Variants in MYO7B observed in about 807,000 individuals in gnomAD.
The protein encoded by MYO7B is myosin VIIB, also known as unconventional myosin-VIIb.
MYO7B carries 212 observed loss-of-function variants against 259.7 expected under a neutral mutation model. The ratio of observed to expected loss-of-function variants is 0.82; its 90% CI spans 0.73 to 0.91. The LOEUF (loss-of-function observed/expected upper bound fraction) is 0.91. Ranked by LOEUF, MYO7B falls within the 40% of genes least tolerant of loss-of-function variation. The pLI, the probability that MYO7B is intolerant of heterozygous loss-of-function variation, is 0.00. For synonymous variants in MYO7B, 1,197 were observed against 1,166.4 expected, an observed-to-expected ratio of 1.03 and a Z score of -0.54; for missense variants, 2,732 against 2,813.5, an observed-to-expected ratio of 0.97 and a Z score of 0.66.
In MYO7B at chr2:127,574,061, A is replaced by C; in HGVS notation, c.734A>C (p.Gln245Pro). 1 of 1,613,950 alleles carries C rather than the reference A, an allele frequency of 6.2e-7. No individual in the cohort carries two copies. Among genetic ancestry groups the C allele is most frequent in the Non-Finnish European group, 8.5e-7 (1 of 1,179,880 alleles). Residue 245 changes from glutamine (Q) to proline (P), a missense_variant and splice_region_variant, in exon 7 of 48, where the codon CAG (glutamine) becomes CCG (proline). By Grantham distance (76) the Gln-to-Pro change is moderately conservative. Coordinates refer to ENST00000409816, the MANE Select transcript of MYO7B (RefSeq NM_001393586.1). ...FLLEKSRVCR[Q>P]APEERNYHIF... ...CTGGAGAAGTCCCGGGTCTGCCGGCAGGTGAGGCCTCCCCCTTCCCAGGTC... is the reference window on the plus strand; with the variant it reads ...CTGGAGAAGTCCCGGGTCTGCCGGCCGGTGAGGCCTCCCCCTTCCCAGGTC...
chr2:127,636,603 T>TTC lies in MYO7B; in HGVS notation c.6184_6185dup (p.Leu2063CysfsTer56). ...CTCATCGCCATCAACCGACATGGGG[T>TTC]TCTGCTCATCCACCCCAAGACCAAG... On this transcript the variant is annotated frameshift_variant, in exon 46 of 48. Coordinates refer to ENST00000409816, the MANE Select transcript of MYO7B (RefSeq NM_001393586.1). LOFTEE classifies it high-confidence loss of function. This position sits in a 1 kb window ranked among gnomAD's most constrained non-coding sequence, Gnocchi z 4.5. 6.2e-7 allele frequency: 1 copy of TTC among 1,612,696 alleles called. No homozygotes were observed. The highest frequency in any genetic ancestry group is 8.5e-7 in the Non-Finnish European group (1 of 1,179,374).
intron 19 of MYO7B, among the ~76,000 whole-genome samples, chr2:127,598,499 A>G (rs1243451828): frequency 6.6e-6 from 1 of 152,160 alleles, no homozygotes; most frequent in East Asian, 1.9e-4. Context: ...TCTGTCAGCT[A>G]TGTGGTTTGT....
At chr2:127,592,418 A>T (rs1224395076) in intron 16 of MYO7B, among the ~76,000 whole-genome samples, 1 of 152,238 alleles carries the variant, frequency 6.6e-6, no homozygotes, top group Non-Finnish European at 1.5e-5. Flanking sequence ...AATAAAATTT[A>T]AAAAATTTTT....
At position 127,618,096 on chromosome 2, in the gene MYO7B, C is replaced by G. The variant is rs533741839; in HGVS notation, c.3399-2244C>G. ...CCCTACTTATCTCTATTTGTCCCTGCAGGCCTCTTCAGGTCCCTTCAGGTC... is the reference window on the plus strand; with the variant it reads ...CCCTACTTATCTCTATTTGTCCCTGGAGGCCTCTTCAGGTCCCTTCAGGTC... On this transcript the variant is annotated intron_variant, in intron 26 of 47. Transcript: ENST00000409816. Among the ~76,000 whole-genome samples, 413 of 152,228 alleles carry G rather than the reference C, an allele frequency of 2.7e-3. 1 individual carries two copies. The highest frequency in any genetic ancestry group is 9.6e-3 in the African/African-American group (397 of 41,520).
intron 1 of MYO7B, among the ~76,000 whole-genome samples, chr2:127,557,992 G>C (rs139465613): frequency 0.011 from 1,688 of 152,214 alleles, 37 homozygotes; most frequent in African/African-American, 0.039. Flanking sequence ...AAGATAAATA[G>C]GTGGGACTTA....
chr2:127,544,782 G>A (rs1457742298), intron 1 of MYO7B, among the ~76,000 whole-genome samples: 3 of 151,872 alleles, frequency 2.0e-5, no homozygotes, highest in South Asian at 2.1e-4. Flanking sequence ...GGGTTTCACC[G>A]TATTAGCCAG....
chr2:127,617,491 T>TATTCATCTGGTTGG (rs1558838539), intron 26 of MYO7B, among the ~76,000 whole-genome samples: 2 of 122,818 alleles, frequency 1.6e-5, no homozygotes, highest in African/African-American at 6.6e-5. Flanking sequence ...AACGGGGTTT[T>TATTCATCTGGTTGG]TTTTTTTTTT....
rs1375029269 is a variant in MYO7B at position 127,582,125 on chromosome 2, G to A, written c.1200+115G>A. The A allele has an allele frequency of 2.6e-6, 4 of 1,522,056 alleles. No homozygotes were observed. In the African/African-American group the frequency reaches 5.5e-5, roughly 21 times the overall value. The allele number at this position is 1,522,056 out of a possible 1,614,324, so 94.3% of individuals were successfully genotyped here. On this transcript the variant is annotated intron_variant, in intron 11 of 47. Coordinates refer to ENST00000409816, the MANE Select transcript of MYO7B (RefSeq NM_001393586.1). ...AGGGCCCTGGGCAGGTCCCCACTCTGCCAGTCACCTGCCTGGTGACCATGG... is the reference window on the plus strand; with the variant it reads ...AGGGCCCTGGGCAGGTCCCCACTCTACCAGTCACCTGCCTGGTGACCATGG...
intron 38 of MYO7B, 68 bp from the exon 39 acceptor site, chr2:127,632,178 C>A: frequency 6.5e-7 from 1 of 1,532,434 alleles, no homozygotes; most frequent in Non-Finnish European, 8.8e-7. Flanking sequence ...CGTCCCTGCT[C>A]CCCAAGGTGC....
At chr2:127,625,685 T>C in intron 31 of MYO7B, 150 bp downstream of exon 31, 11 of 910,164 alleles carry the variant, frequency 1.2e-5, no homozygotes, top group South Asian at 2.2e-5. Flanking sequence ...AGTAGAGCCC[T>C]GTCCCTTCAG....
At chr2:127,549,752 G>T (rs1260461055) in intron 1 of MYO7B, among the ~76,000 whole-genome samples, 1 of 152,166 alleles carries the variant, frequency 6.6e-6, no homozygotes, top group Non-Finnish European at 1.5e-5. Context: ...GAGAGTTGGA[G>T]ACGCTAATTT....
chr2:127,558,232 C>A (rs1421992032), intron 1 of MYO7B, among the ~76,000 whole-genome samples: 1 of 152,048 alleles, frequency 6.6e-6, no homozygotes, highest in Admixed American at 6.6e-5. Flanking sequence ...AAATGGCCAA[C>A]AAACATGAAA....
intron 1 of MYO7B, among the ~76,000 whole-genome samples, chr2:127,556,140 A>G (rs1022808805): frequency 6.6e-6 from 1 of 152,194 alleles, no homozygotes; most frequent in African/African-American, 2.4e-5. Flanking sequence ...GCCTTTTATG[A>G]TTATATAATA....
intron 29 of MYO7B, 104 bp downstream of exon 29, chr2:127,623,479 C>G: frequency 8.0e-7 from 1 of 1,244,296 alleles, no homozygotes; most frequent in South Asian, 1.6e-5. Flanking sequence ...CACCACCTAC[C>G]CTCCCAGCTG....
chr2:127,631,865 G>T (rs2105134528), intron 38 of MYO7B, 112 bp downstream of exon 38: 2 of 1,367,664 alleles, frequency 1.5e-6, no homozygotes, highest in African/African-American at 1.4e-5. Context: ...CAGAACCCCT[G>T]CCTGGGCTCC....
At position 127,630,855 on chromosome 2, in the gene MYO7B, G is replaced by T; in HGVS notation, c.4884G>T (p.Glu1628Asp). The stretch of plus-strand genomic sequence containing the variant: ...AGTTCACAGAGCCACGTCCTGAGGA[G>T]CCACCCAAGGAAAAGCTGCACACCC... ...EGQFTEPRPE[E>D]PPKEKLHTLE... Residue 1628 changes from glutamate to aspartate, a missense_variant, in exon 36 of 48, where the codon GAG becomes GAT. Physicochemically the swap from Glu to Asp is conservative, Grantham distance 45. This residue lies in a region of MYO7B where 821 missense variants were observed against 769.3 expected (regional missense o/e 1.07). Transcript: ENST00000409816. The T allele has an allele frequency of 6.2e-7, 1 of 1,611,650 alleles. No homozygotes were observed. Among genetic ancestry groups the T allele is most frequent in the Non-Finnish European group, 8.5e-7 (1 of 1,179,100 alleles).
Position 127,592,683 on chromosome 2 carries a change from T to C in MYO7B, c.1993-111T>C. On this transcript the variant is annotated intron_variant, in intron 16 of 47. Coordinates refer to ENST00000409816, the MANE Select transcript of MYO7B (RefSeq NM_001393586.1). ...AGTGGGGGTGGGCGGGGCGGGGGGC[T>C]GGACACACTGACCTCTGGCTGTGGG... is the stretch of plus-strand genomic sequence containing the variant. 9 of 1,396,966 alleles carry C rather than the reference T, an allele frequency of 6.4e-6. No individual in the cohort carries two copies. The South Asian group carries it at 6.8e-5, about 11-fold the overall frequency. 86.5% of individuals were successfully genotyped at this position (1,396,966 alleles called of 1,614,324 possible). A position where few individuals can be genotyped will look rare whatever the true frequency, so the allele number is the denominator to read the frequency against.
Position 127,632,202 on chromosome 2 carries a change from G to T in MYO7B, c.5250-44G>T, listed in dbSNP as rs536847198. The T allele has an allele frequency of 2.5e-6, 4 of 1,584,920 alleles. No homozygotes were observed. In the East Asian group the frequency reaches 6.9e-5, roughly 27 times the overall value. On this transcript the variant is annotated intron_variant, in intron 38 of 47. Coordinates refer to ENST00000409816, the MANE Select transcript of MYO7B (RefSeq NM_001393586.1). ...TCCCCAAGGTGCCTGCCTGGCCAGG[G>T]CCCCCTGAGGGGCCTTTCCCGGCTG...
In MYO7B at chr2:127,631,691, C is replaced by A. The variant is rs201933709; in HGVS notation, c.5187C>A (p.His1729Gln). The A allele has an allele frequency of 1.9e-6, 3 of 1,613,046 alleles. No homozygotes were observed. In the African/African-American group the frequency reaches 4.0e-5, roughly 21 times the overall value. Reference protein sequence around the residue: ...TDQIFTLALQHPALQDEVYCQ... With the variant: ...TDQIFTLALQQPALQDEVYCQ... ...AGATCTTCACACTGGCCCTGCAGCACCCGGCCCTCCAGGACGAGGTCTACT... is the reference window on the plus strand; with the variant it reads ...AGATCTTCACACTGGCCCTGCAGCAACCGGCCCTCCAGGACGAGGTCTACT... Residue 1729 changes from histidine to glutamine, a missense_variant, in exon 38 of 48, where the codon CAC becomes CAA. Physicochemically the swap from His to Gln is conservative, Grantham distance 24. This residue lies in a region of MYO7B where 821 missense variants were observed against 769.3 expected (regional missense o/e 1.07). Coordinates refer to ENST00000409816, the MANE Select transcript of MYO7B (RefSeq NM_001393586.1).
Sources: gnomAD v4.1 joint callset for allele counts (sites outside exome capture counted in the v4.1 genomes callset) on GRCh38, gnomAD v4.1.1 for gene constraint, gnomAD v4.1.1 regional missense constraint, Gnocchi (gnomAD v3.1) non-coding constraint, MANE v1.5 for transcripts, NCBI Gene and HGNC (gene_info 2026-07-23, HGNC 2026-07-21) for gene names.